Variants in FCN2 observed in about 807,000 individuals in gnomAD.
FCN2 encodes ficolin 2.
A neutral mutation model predicts 32.5 loss-of-function variants in FCN2; 31 were observed. That is an observed-to-expected ratio of 0.96 (90% CI 0.72 to 1.29). The LOEUF (loss-of-function observed/expected upper bound fraction) is 1.29. FCN2 is among the 50% of genes most tolerant of loss of function. The probability of loss-of-function intolerance (pLI) is 0.00; values close to 1 mark genes in which losing one functional copy is unlikely to be tolerated. For missense variants in FCN2, 412 were observed against 406.5 expected, an observed-to-expected ratio of 1.01 and a Z score of -0.12; for synonymous variants, 181 against 164.5, an observed-to-expected ratio of 1.10 and a Z score of -0.77.
In FCN2 at chr9:134,885,251, G is replaced by A. The variant is rs369494975; in HGVS notation, c.314G>A (p.Cys105Tyr). The change falls in exon 5 of 8, where the codon TGC becomes TAC. Residue 105 changes from cysteine (C) to tyrosine (Y), a missense_variant. Cys to Tyr is a radical substitution (Grantham distance 194). Transcript: ENST00000291744. ...GTTCCCTTCCCAGGCCCGCGTACCT[G>A]CAAGGACCTGCTAGACCGAGGGCAC... ...PQPCLTGPRT[C>Y]KDLLDRGHFL... 6.2e-6 allele frequency: 10 copies of A among 1,613,962 alleles called. No homozygotes were observed. In the African/African-American group the frequency reaches 1.1e-4, roughly 17 times the overall value.
At chr9:134,878,453 A>T (rs905408120), upstream of FCN2, among the ~76,000 whole-genome samples, 1 of 152,200 alleles carries the variant, frequency 6.6e-6, no homozygotes, top group Admixed American at 6.5e-5. Flanking sequence ...TTTGTGTGTT[A>T]TCATCTGTGG....
chr9:134,867,600 C>A, the FCN2 span, among the ~76,000 whole-genome samples: 1 of 151,156 alleles, frequency 6.6e-6, no homozygotes, highest in African/African-American at 2.4e-5. Flanking sequence ...TGTAACTAAC[C>A]TGCACATTGT....
At chr9:134,885,499 C>A in intron 5 of FCN2, 133 bp downstream of exon 5, 1 of 1,444,610 alleles carries the variant, frequency 6.9e-7, no homozygotes, top group Non-Finnish European at 9.3e-7. Context: ...GGGGAGATGA[C>A]CGGTGGGTAA....
At chr9:134,881,450 C>T (rs1390523815) in intron 1 of FCN2, among the ~76,000 whole-genome samples, 5 of 152,152 alleles carry the variant, frequency 3.3e-5, no homozygotes, top group African/African-American at 1.2e-4. Context: ...GCATTGTCCC[C>T]GTGAGTTCTG....
At chr9:134,876,061 G>C (rs1830601427), upstream of FCN2, among the ~76,000 whole-genome samples, 1 of 151,920 alleles carries the variant, frequency 6.6e-6, no homozygotes, top group Admixed American at 6.6e-5. Context: ...TTTTTAATTT[G>C]GTAAGCTAGA....
intron 7 of FCN2, 27 bp downstream of exon 7, chr9:134,886,591 C>T (rs753779795): frequency 4.3e-6 from 7 of 1,612,272 alleles, no homozygotes; most frequent in African/African-American, 2.7e-5. Context: ...GGCTGTGTGG[C>T]CTGGGCTTCT....
upstream of FCN2, among the ~76,000 whole-genome samples, chr9:134,879,650 C>T (rs1043937969): frequency 6.6e-6 from 1 of 152,168 alleles, no homozygotes; most frequent in Non-Finnish European, 1.5e-5. Flanking sequence ...GAGGTCTGCC[C>T]TAAACACCAC....
intron 7 of FCN2, 31 bp from the exon 8 acceptor site, chr9:134,887,137 T>G: frequency 6.2e-7 from 1 of 1,613,406 alleles, no homozygotes; most frequent in Non-Finnish European, 8.5e-7. Flanking sequence ...TGTTACTGCC[T>G]GTAACGATGC....
At chr9:134,885,723 C>T (rs1282661359) in intron 5 of FCN2, 45 bp from the exon 6 acceptor site, 9 of 1,613,184 alleles carry the variant, frequency 5.6e-6, no homozygotes, top group South Asian at 3.3e-5. Context: ...TGCTGTGGGA[C>T]GTCGGCCTGG....
rs72551122 is a variant in FCN2, at chr9:134,880,833, C to A, written c.12C>A (p.Asp4Glu). The change falls in exon 1 of 8, where the codon GAC becomes GAA. Residue 4 changes from aspartate to glutamate, a missense_variant. Physicochemically the swap from Asp to Glu is conservative, Grantham distance 45. Coordinates refer to ENST00000291744, the MANE Select transcript of FCN2 (RefSeq NM_004108.3). The stretch of plus-strand genomic sequence containing the variant: ...AAAGACCAGAAGAGATGGAGCTGGA[C>A]AGAGCTGTGGGGGTCCTGGGCGCTG... MEL[D>E]RAVGVLGAAT... 171 of 1,613,470 alleles carry A rather than the reference C, an allele frequency of 1.1e-4. No individual in the cohort carries two copies. In the African/African-American group the frequency reaches 1.6e-3, roughly 15 times the overall value.
chr9:134,882,328 G>A (rs1385669628), intron 1 of FCN2, among the ~76,000 whole-genome samples, 198 bp from the exon 2 acceptor site: 1 of 152,252 alleles, frequency 6.6e-6, no homozygotes, highest in East Asian at 1.9e-4. Flanking sequence ...GGTGAGGACA[G>A]ACCAAGTGCC....
At chr9:134,883,752 A>G (rs906613909) in intron 3 of FCN2, among the ~76,000 whole-genome samples, 1 of 126,466 alleles carries the variant, frequency 7.9e-6, no homozygotes, top group African/African-American at 3.0e-5. Context: ...AGGTGTTATC[A>G]GCAGGGAGGG....
chr9:134,884,315 T>A (rs1830711224), intron 3 of FCN2, among the ~76,000 whole-genome samples: 1 of 152,030 alleles, frequency 6.6e-6, no homozygotes, highest in Admixed American at 6.6e-5. Flanking sequence ...AACCCCAGGC[T>A]CAGTCATGGG....
chr9:134,873,008 C>T, the FCN2 span, among the ~76,000 whole-genome samples: 1 of 152,114 alleles, frequency 6.6e-6, no homozygotes, highest in African/African-American at 2.4e-5. Flanking sequence ...GTTTTGTTCC[C>T]GTTTTCCTTA....
At chr9:134,867,516 G>A in the FCN2 span, among the ~76,000 whole-genome samples, 1 of 146,910 alleles carries the variant, frequency 6.8e-6, no homozygotes, top group Non-Finnish European at 1.5e-5. Context: ...GGGAGGGATA[G>A]CATTGGGAGA....
At chr9:134,881,575 G>T (rs760161970) in intron 1 of FCN2, among the ~76,000 whole-genome samples, 3 of 152,160 alleles carry the variant, frequency 2.0e-5, no homozygotes, top group Non-Finnish European at 4.4e-5. Context: ...CCGTCTACCC[G>T]GGGCTGGGAT....
chr9:134,886,457 T>C lies in FCN2; in HGVS notation c.587T>C (p.Val196Ala), dbSNP rs1459954492. 2.5e-6 allele frequency: 4 copies of C among 1,611,526 alleles called. No individual in the cohort carries two copies. Among genetic ancestry groups the C allele is most frequent in the Non-Finnish European group, 3.4e-6 (4 of 1,179,108 alleles). The change falls in exon 7 of 8, where the codon GTG (valine) becomes GCG (alanine). Residue 196 changes from valine (V) to alanine (A), a missense_variant. Coordinates refer to ENST00000291744, the MANE Select transcript of FCN2 (RefSeq NM_004108.3). Reference protein sequence around the residue: ...QGTSELRVDLVDFEDNYQFAK... With the variant: ...QGTSELRVDLADFEDNYQFAK... ...ACCAGCGAGCTCCGTGTAGACCTGGTGGACTTTGAGGACAACTACCAGTTT... is the reference window on the plus strand; with the variant it reads ...ACCAGCGAGCTCCGTGTAGACCTGGCGGACTTTGAGGACAACTACCAGTTT...
At chr9:134,866,812 A>G in the FCN2 span, among the ~76,000 whole-genome samples, 1 of 138,212 alleles carries the variant, frequency 7.2e-6, no homozygotes, top group South Asian at 2.6e-4. Context: ...AAACAACCCC[A>G]TCAAAAAGTG....
rs551343170 is a variant in FCN2 at position 134,883,169 on chromosome 9, C to A, written c.215-133C>A. ...CTGGTGCAGGATGGGCAAGCCTGGG[C>A]GGGGCCACAGTCACGTCGTAGCACG... On this transcript the variant is annotated intron_variant, in intron 2 of 7. Transcript: ENST00000291744. 4 of 814,286 alleles carry A rather than the reference C, an allele frequency of 4.9e-6. No homozygotes were observed. The South Asian group carries it at 5.6e-5, about 11-fold the overall frequency. The allele number at this position is 814,286 out of a possible 1,614,324, so 50.4% of individuals were successfully genotyped here. A position where few individuals can be genotyped will look rare whatever the true frequency, so the allele number is the denominator to read the frequency against.
Sources: allele counts gnomAD v4.1 joint callset (sites outside exome capture counted in the v4.1 genomes callset), GRCh38; gene constraint gnomAD v4.1.1; transcripts MANE v1.5; gene names NCBI Gene and HGNC (gene_info 2026-07-23, HGNC 2026-07-21).